Variants in DPF3 observed in about 807,000 individuals in gnomAD.
The protein encoded by DPF3 is zinc finger protein DPF3.
DPF3 carries 18 observed loss-of-function variants against 56.8 expected under a neutral mutation model. The ratio of observed to expected loss-of-function variants is 0.32; its 90% CI spans 0.22 to 0.47. The LOEUF is 0.47. Among genes scored for constraint, DPF3 ranks in the 20% least tolerant of loss-of-function variants. The pLI, the probability that DPF3 is intolerant of heterozygous loss-of-function variation, is 1.00. For synonymous variants in DPF3, 188 were observed against 180.2 expected, an observed-to-expected ratio of 1.04 and a Z score of -0.35; for missense variants, 403 against 488.8, an observed-to-expected ratio of 0.82 and a Z score of 1.65.
intron 3 of DPF3, among the ~76,000 whole-genome samples, chr14:72,752,556 G>A (rs1353186366): frequency 3.3e-5 from 5 of 152,138 alleles, no homozygotes; most frequent in South Asian, 2.1e-4. Flanking sequence ...CCAGCTACTC[G>A]GGAAGCTGAG....
chr14:72,699,952 G>A (rs1209912746), intron 6 of DPF3, among the ~76,000 whole-genome samples: 1 of 152,174 alleles, frequency 6.6e-6, no homozygotes, highest in African/African-American at 2.4e-5. Flanking sequence ...GGAGGAAAGA[G>A]GGAGGTTGGT....
At chr14:72,867,658 T>G (rs1282192869) in intron 1 of DPF3, among the ~76,000 whole-genome samples, 1 of 152,174 alleles carries the variant, frequency 6.6e-6, no homozygotes, top group Non-Finnish European at 1.5e-5. Flanking sequence ...ACTATCAAAG[T>G]TGGGGGATGG....
chr14:72,782,197 T>C (rs1260018268), intron 1 of DPF3, among the ~76,000 whole-genome samples: 1 of 151,468 alleles, frequency 6.6e-6, no homozygotes, highest in African/African-American at 2.4e-5. Context: ...TGTTGTTCTA[T>C]AGTCAATTCT....
At chr14:72,863,155 T>C (rs1885522532) in intron 1 of DPF3, among the ~76,000 whole-genome samples, 1 of 54,590 alleles carries the variant, frequency 1.8e-5, no homozygotes, top group African/African-American at 1.1e-4. Context: ...TATGTGTGTG[T>C]GTGTGTGTGT....
intron 7 of DPF3, among the ~76,000 whole-genome samples, chr14:72,688,390 A>G (rs1255319830): frequency 1.3e-5 from 2 of 152,108 alleles, no homozygotes; most frequent in Non-Finnish European, 2.9e-5. Context: ...ATTTATTTAC[A>G]CAGCTTTTCA....
intron 1 of DPF3, among the ~76,000 whole-genome samples, chr14:72,864,529 C>A (rs1885584328): frequency 2.0e-5 from 3 of 152,196 alleles, no homozygotes; most frequent in Admixed American, 2.0e-4. Flanking sequence ...ATAAAAAATG[C>A]CTGTAACACT....
rs1437913827 is a variant in DPF3, at chr14:72,731,839, C to T, written c.397G>A (p.Ala133Thr). 2.5e-6 allele frequency: 4 copies of T among 1,613,336 alleles called. No homozygotes were observed. Among genetic ancestry groups the T allele is most frequent in the African/African-American group, 1.3e-5 (1 of 75,056 alleles). The change falls in exon 4 of 11, where the codon GCC becomes ACC. Residue 133 changes from alanine to threonine, a missense_variant. Coordinates refer to ENST00000556509, the MANE Select transcript of DPF3 (RefSeq NM_001280542.3). The stretch of plus-strand genomic sequence containing the variant: ...TCCTGGATGCTTTCCTCCTCCCTGG[C>T]ATCCACCTTCTTCTCAACCCCCTCG... The part of the protein sequence containing the change: ...RGEGVEKKVD[A>T]REEESIQEIQ...
chr14:72,659,428 C>G (rs944458344), intron 8 of DPF3, among the ~76,000 whole-genome samples: 4 of 152,112 alleles, frequency 2.6e-5, no homozygotes, highest in African/African-American at 9.7e-5. Flanking sequence ...CATTATCAGA[C>G]ACGTGAAAAA....
At chr14:72,743,901 C>A in intron 3 of DPF3, among the ~76,000 whole-genome samples, 1 of 152,242 alleles carries the variant, frequency 6.6e-6, no homozygotes, top group East Asian at 1.9e-4. Context: ...CAAGTGCAAG[C>A]TGCAGAGAAC....
intron 1 of DPF3, among the ~76,000 whole-genome samples, chr14:72,846,077 T>TTTATTTTATTTTATTTTATTTTATTTTA: frequency 8.7e-6 from 1 of 115,572 alleles, no homozygotes; most frequent in Non-Finnish European, 1.9e-5. Flanking sequence ...TTTATTTTAC[T>TTTATTTTATTTTATTTTATTTTATTTTA]GTTTATTTTA....
intron 8 of DPF3, 50 bp downstream of exon 8, chr14:72,674,190 G>C (rs746388234): frequency 1.3e-6 from 2 of 1,577,654 alleles, no homozygotes; most frequent in Middle Eastern, 1.7e-4. Flanking sequence ...GAATGCAAGA[G>C]GAGCATTCCT....
At chr14:72,744,914 A>G (rs547345476) in intron 3 of DPF3, among the ~76,000 whole-genome samples, 1 of 152,334 alleles carries the variant, frequency 6.6e-6, no homozygotes, top group African/African-American at 2.4e-5. Context: ...AAGAGCAGGC[A>G]GACTATTCTC....
intron 1 of DPF3, among the ~76,000 whole-genome samples, chr14:72,838,435 CATG>C (rs1292804646): frequency 4.6e-5 from 7 of 151,694 alleles, no homozygotes; most frequent in Non-Finnish European, 7.4e-5. Context: ...CGGAGGTTGC[CATG>C]AGTCGAGATC....
intron 1 of DPF3, among the ~76,000 whole-genome samples, chr14:72,856,466 C>G (rs1375718934): frequency 6.6e-6 from 1 of 152,122 alleles, no homozygotes; most frequent in Admixed American, 6.5e-5. Flanking sequence ...CTTCTGGAAA[C>G]AAGCCATTTC....
intron 1 of DPF3, among the ~76,000 whole-genome samples, chr14:72,871,516 G>C (rs1885900526): frequency 6.6e-6 from 1 of 152,214 alleles, no homozygotes; most frequent in Non-Finnish European, 1.5e-5. Flanking sequence ...AATCCAGCAA[G>C]GCAGTCAAAC....
intron 1 of DPF3, among the ~76,000 whole-genome samples, chr14:72,846,210 G>A (rs1056684478): frequency 3.3e-5 from 5 of 150,950 alleles, no homozygotes; most frequent in African/African-American, 4.9e-5. Flanking sequence ...TCCTGTGCTC[G>A]AGCAATTCTC....
chr14:72,752,695 T>C (rs1326121382), intron 3 of DPF3, among the ~76,000 whole-genome samples: 1 of 152,178 alleles, frequency 6.6e-6, no homozygotes, highest in East Asian at 1.9e-4. Flanking sequence ...AGTATAGACA[T>C]AACGCCACCA....
In DPF3 at chr14:72,615,148, C is replaced by T. The variant is rs1259628171; in HGVS notation, c.*4149G>A. 6.6e-6 allele frequency among the ~76,000 whole-genome samples: 1 copy of T among 152,172 alleles called. No individual in the cohort carries two copies. The highest frequency in any genetic ancestry group is 1.5e-5 in the Non-Finnish European group (1 of 68,014). ...CGGGGAGTGAGAGAAGAAGGGGCTG[C>T]TTCTGTCCCAGCACTTCCACGACAG... is the stretch of plus-strand genomic sequence containing the variant. On this transcript the variant is annotated 3_prime_UTR_variant, in exon 11 of 11. Coordinates refer to ENST00000556509, the MANE Select transcript of DPF3 (RefSeq NM_001280542.3).
At chr14:72,646,102 C>T (rs1341521000) in intron 8 of DPF3, among the ~76,000 whole-genome samples, 1 of 152,226 alleles carries the variant, frequency 6.6e-6, no homozygotes, top group African/African-American at 2.4e-5. Flanking sequence ...TCAGTCTTCA[C>T]TCTCTCCACA....
Sources: gnomAD v4.1 joint callset for allele counts (sites outside exome capture counted in the v4.1 genomes callset) on GRCh38, gnomAD v4.1.1 for gene constraint, MANE v1.5 for transcripts, NCBI Gene and HGNC (gene_info 2026-07-23, HGNC 2026-07-21) for gene names.